Variants in LDB2 observed in about 807,000 individuals in gnomAD.
The protein encoded by LDB2 is LIM domain binding 2, also known as LIM domain-binding protein 2.
In LDB2, 12 loss-of-function variants were observed where a neutral mutation model predicts 44.3. That is an observed-to-expected ratio of 0.27 (90% CI 0.17 to 0.44). The LOEUF (loss-of-function observed/expected upper bound fraction) is 0.44, where lower values mean the gene tolerates loss of function less well. LDB2 is among the 20% of genes least tolerant of loss of function. The probability of loss-of-function intolerance (pLI) is 1.00; values close to 1 mark genes in which losing one functional copy is unlikely to be tolerated. For synonymous variants in LDB2, 164 were observed against 174.8 expected, an observed-to-expected ratio of 0.94 and a Z score of 0.49; for missense variants, 344 against 473.5, an observed-to-expected ratio of 0.73 and a Z score of 2.54.
intron 5 of LDB2, among the ~76,000 whole-genome samples, chr4:16,581,973 AGGAAGGAAG>A (rs748946951): frequency 0.063 from 8,818 of 140,610 alleles, 371 homozygotes; most frequent in Middle Eastern, 0.1. Context: ...GAAAGAAGGA[AGGAAGGAAG>A]GGAAGGAAGG....
At chr4:16,671,322 G>A (rs939108856) in intron 2 of LDB2, among the ~76,000 whole-genome samples, 10 of 152,158 alleles carry the variant, frequency 6.6e-5, no homozygotes, top group South Asian at 2.1e-4. Flanking sequence ...CTTTCAGTCC[G>A]TTATGAGTTT....
At chr4:16,531,523 C>G (rs1274333106) in intron 5 of LDB2, among the ~76,000 whole-genome samples, 2 of 152,216 alleles carry the variant, frequency 1.3e-5, no homozygotes, top group South Asian at 2.1e-4. Context: ...TTCACTTTCT[C>G]TATTTGTGCA....
chr4:16,789,812 G>A (rs1775304521), intron 1 of LDB2, among the ~76,000 whole-genome samples: 1 of 152,134 alleles, frequency 6.6e-6, no homozygotes. Context: ...TACGCCTGTA[G>A]TCCCAGCTAC....
intron 1 of LDB2, among the ~76,000 whole-genome samples, chr4:16,765,851 T>C (rs925353056): frequency 1.3e-5 from 2 of 152,184 alleles, no homozygotes; most frequent in African/African-American, 4.8e-5. Context: ...GAAATTTAAA[T>C]AAATTATCTC....
intron 2 of LDB2, among the ~76,000 whole-genome samples, chr4:16,618,771 A>G (rs963776484): frequency 6.6e-6 from 1 of 152,116 alleles, no homozygotes; most frequent in Non-Finnish European, 1.5e-5. Flanking sequence ...TCCCCACCCA[A>G]ATCTCATGTT....
At chr4:16,551,130 TA>T (rs1187418195) in intron 5 of LDB2, among the ~76,000 whole-genome samples, 1 of 152,192 alleles carries the variant, frequency 6.6e-6, no homozygotes, top group African/African-American at 2.4e-5. Context: ...ATGGTAATTA[TA>T]AGATTCTGAA....
Position 16,749,338 on chromosome 4 carries a change from C to T in LDB2, c.235+9820G>A, listed in dbSNP as rs530343743. On this transcript the variant is annotated intron_variant, in intron 2 of 7. Coordinates refer to ENST00000304523, the MANE Select transcript of LDB2 (RefSeq NM_001290.5). Reference sequence around the variant, plus strand: ...ACTTTGGGAGGCCGAGGTGGGTGGACCACAAGGTCAGGAGTTCGAGACCAG... The same window carrying T: ...ACTTTGGGAGGCCGAGGTGGGTGGATCACAAGGTCAGGAGTTCGAGACCAG... Among the ~76,000 whole-genome samples, 3 of 151,048 alleles carry T rather than the reference C, an allele frequency of 2.0e-5. No homozygotes were observed. In the East Asian group the frequency reaches 5.8e-4, roughly 29 times the overall value.
At chr4:16,857,420 T>C (rs544387491) in intron 1 of LDB2, among the ~76,000 whole-genome samples, 2 of 152,236 alleles carry the variant, frequency 1.3e-5, no homozygotes, top group Non-Finnish European at 2.9e-5. Flanking sequence ...CTACCATACA[T>C]GATCTTCATA....
In LDB2 at chr4:16,875,074, A is replaced by G. The variant is rs567292657; in HGVS notation, c.132+23280T>C. ...AAGGAAGCTAGAGAACATCTGATAG[A>G]CCAGAAAATCAGGGAATCAAAAACA... On this transcript the variant is annotated intron_variant, in intron 1 of 7. Transcript: ENST00000304523. 2.7e-4 allele frequency among the ~76,000 whole-genome samples: 41 copies of G among 152,342 alleles called. No individual in the cohort carries two copies. The South Asian group carries it at 8.1e-3, about 30-fold the overall frequency.
intron 2 of LDB2, among the ~76,000 whole-genome samples, chr4:16,706,314 G>C (rs961562514): frequency 6.6e-6 from 1 of 152,114 alleles, no homozygotes; most frequent in Non-Finnish European, 1.5e-5. Context: ...GAGCCCCCAC[G>C]AATAAGATTA....
At chr4:16,771,677 A>G (rs879380769) in intron 1 of LDB2, among the ~76,000 whole-genome samples, 1 of 152,104 alleles carries the variant, frequency 6.6e-6, no homozygotes, top group Non-Finnish European at 1.5e-5. Context: ...CCACACCTCC[A>G]ATCTGTCAGC....
chr4:16,536,518 C>T (rs534838504), intron 5 of LDB2, among the ~76,000 whole-genome samples: 1 of 152,298 alleles, frequency 6.6e-6, no homozygotes, highest in South Asian at 2.1e-4. Flanking sequence ...TCAGGGGAAA[C>T]AGACAAAGGA....
intron 2 of LDB2, among the ~76,000 whole-genome samples, chr4:16,654,579 C>T (rs74430441): frequency 2.0e-3 from 310 of 152,264 alleles, no homozygotes; most frequent in African/African-American, 7.1e-3. Context: ...TCAAAGGAAG[C>T]CCTGGTCCAT....
intron 5 of LDB2, among the ~76,000 whole-genome samples, chr4:16,562,830 T>C (rs905994270): frequency 1.3e-4 from 20 of 152,110 alleles, no homozygotes; most frequent in African/African-American, 4.3e-4. Flanking sequence ...TGTCCAACAA[T>C]GATAGACTGG....
At chr4:16,850,404 G>C (rs117657097) in intron 1 of LDB2, among the ~76,000 whole-genome samples, 11 of 152,040 alleles carry the variant, frequency 7.2e-5, no homozygotes, top group Non-Finnish European at 1.6e-4. Context: ...CTACATTATA[G>C]AAATATTGAG....
intron 5 of LDB2, among the ~76,000 whole-genome samples, chr4:16,560,154 G>A (rs1741490771): frequency 6.6e-6 from 1 of 152,096 alleles, no homozygotes; most frequent in African/African-American, 2.4e-5. Context: ...ACAATTAAAA[G>A]AACTAGAAAA....
chr4:16,865,377 T>C (rs1381703985), intron 1 of LDB2, among the ~76,000 whole-genome samples: 1 of 152,178 alleles, frequency 6.6e-6, no homozygotes, highest in Admixed American at 6.5e-5. Flanking sequence ...GCCTCTGCAT[T>C]CTTCACAGGA....
At chr4:16,740,470 C>T (rs1180278013) in intron 2 of LDB2, among the ~76,000 whole-genome samples, 2 of 152,236 alleles carry the variant, frequency 1.3e-5, no homozygotes, top group Non-Finnish European at 2.9e-5. Flanking sequence ...CACCAGGCCT[C>T]CAATCGTGCG....
chr4:16,553,003 C>T (rs1738207141), intron 5 of LDB2, among the ~76,000 whole-genome samples: 1 of 152,170 alleles, frequency 6.6e-6, no homozygotes, highest in South Asian at 2.1e-4. Context: ...CAATCACTCT[C>T]ACACATCCAG....
Sources: gnomAD v4.1 joint callset for allele counts (sites outside exome capture counted in the v4.1 genomes callset) on GRCh38, gnomAD v4.1.1 for gene constraint, MANE v1.5 for transcripts, NCBI Gene and HGNC (gene_info 2026-07-23, HGNC 2026-07-21) for gene names.